RIPK4: variants seen among roughly 807,000 people sequenced by gnomAD.
RIPK4 encodes the protein receptor interacting serine/threonine kinase 4.
A neutral mutation model predicts 42.9 loss-of-function variants in RIPK4; 17 were observed. The observed-to-expected ratio is 0.40, with a 90% CI of 0.27 to 0.59. The LOEUF is 0.59. Ranked by LOEUF, RIPK4 falls within the 20% of genes least tolerant of loss-of-function variation. RIPK4 has a pLI of 0.47. For synonymous variants in RIPK4, 498 were observed against 499.1 expected (o/e 1.00, Z 0.03); for missense variants, 897 against 1,104.4 (o/e 0.81, Z 2.66).
chr21:41,746,223 T>C, intron 5 of RIPK4: 1 of 605,246 alleles, frequency 1.7e-6, no homozygotes, highest in Non-Finnish European at 3.1e-6. Flanking sequence ...GTGACTTTCC[T>C]ATGCCAGAGA....
At chr21:41,756,895 G>T in intron 1 of RIPK4, 79 bp from the exon 2 acceptor site, 1 of 1,477,408 alleles carries the variant, frequency 6.8e-7, no homozygotes, top group South Asian at 1.3e-5. Context: ...GCCAGAAGAC[G>T]ACCAGCTCCA....
chr21:41,767,011 G>C lies in RIPK4; in HGVS notation c.31C>G (p.Leu11Val). 1 of 1,589,734 alleles carries C rather than the reference G, an allele frequency of 6.3e-7. No individual in the cohort carries two copies. The highest frequency in any genetic ancestry group is 8.5e-7 in the Non-Finnish European group (1 of 1,170,512). Reference sequence around the variant, plus strand: ...GCGTCGAAGGTGCGCAGCAGCGCCAGGGCCCATGGGGTCCCGCCGTCGCCC... The same window carrying C: ...GCGTCGAAGGTGCGCAGCAGCGCCACGGCCCATGGGGTCCCGCCGTCGCCC... Reference protein sequence around the residue: MEGDGGTPWALALLRTFDAGE... With the variant: MEGDGGTPWAVALLRTFDAGE... The change falls in exon 1 of 8, where the codon CTG (leucine) becomes GTG (valine). Residue 11 changes from leucine (L) to valine (V), a missense_variant. By Grantham distance (32) the Leu-to-Val change is conservative. Transcript: ENST00000332512. The surrounding 1 kb of genome is among the most constrained non-coding windows in gnomAD (Gnocchi z 4.0).
chr21:41,748,684 CA>C (rs1462662387), intron 4 of RIPK4, among the ~76,000 whole-genome samples: 1 of 152,040 alleles, frequency 6.6e-6, no homozygotes, highest in African/African-American at 2.4e-5. Context: ...AAAAAGTAAA[CA>C]AAAAAGAATT....
At chr21:41,765,775 C>T (rs2061234351) in intron 1 of RIPK4, among the ~76,000 whole-genome samples, 1 of 152,230 alleles carries the variant, frequency 6.6e-6, no homozygotes, top group African/African-American at 2.4e-5. Context: ...ACAAGCATAG[C>T]TTCCATGTAG....
At chr21:41,745,696 G>A in intron 6 of RIPK4, 63 bp downstream of exon 6, 1 of 1,262,708 alleles carries the variant, frequency 7.9e-7, no homozygotes, top group South Asian at 1.2e-5. Context: ...AAAGAGGAGT[G>A]GTTTGGAAAC....
At chr21:41,757,221 G>T (rs2061206272) in intron 1 of RIPK4, among the ~76,000 whole-genome samples, 1 of 152,068 alleles carries the variant, frequency 6.6e-6, no homozygotes, top group Admixed American at 6.5e-5. Context: ...TCCACTCAAG[G>T]TTGTAACTAG....
intron 4 of RIPK4, 52 bp downstream of exon 4, chr21:41,749,102 C>T (rs1267275814): frequency 1.3e-6 from 2 of 1,582,806 alleles, no homozygotes; most frequent in Non-Finnish European, 1.7e-6. Flanking sequence ...GGTGTCCCCC[C>T]ATTATTCCAG....
intron 4 of RIPK4, 72 bp from the exon 5 acceptor site, chr21:41,746,843 G>A (rs758078007): frequency 7.4e-6 from 11 of 1,490,838 alleles, no homozygotes; most frequent in African/African-American, 1.4e-5. Context: ...GGGAGGAAAC[G>A]ACACACTCGC....
chr21:41,743,961 C>A lies in RIPK4; in HGVS notation c.1116G>T (p.Ser372=). Residue 372 remains serine (S), a synonymous_variant, in exon 7 of 8, where the codon TCG becomes TCT. Transcript: ENST00000332512. ...LPSSGSGKRL[S]GVSSVDSAFS... ...AGGCGGAGTCCACCGAGGACACCCC[C>A]GAGAGCCTCTTCCCACTGCCGGACG... 6.2e-7 allele frequency: 1 copy of A among 1,613,416 alleles called. No homozygotes were observed. The highest frequency in any genetic ancestry group is 8.5e-7 in the Non-Finnish European group (1 of 1,179,992).
intron 1 of RIPK4, among the ~76,000 whole-genome samples, chr21:41,758,041 T>TATATATATATAGAGAG (rs1452050960): frequency 3.4e-5 from 2 of 58,486 alleles, no homozygotes; most frequent in Non-Finnish European, 5.6e-5. Flanking sequence ...TATATATATA[T>TATATATATATAGAGAG]AGAGAGAGAG....
chr21:41,741,353 G>T lies in RIPK4; in HGVS notation c.1840C>A (p.Arg614Ser). 3 of 1,610,926 alleles carry T rather than the reference G, an allele frequency of 1.9e-6. No homozygotes were observed. Among genetic ancestry groups the T allele is most frequent in the Non-Finnish European group, 2.5e-6 (3 of 1,179,692 alleles). ...GRTPLHLAAQ[R>S]GHYRVARILI... Reference sequence around the variant, plus strand: ...ATGCGGGCCACGCGGTAGTGCCCGCGCTGTGCGGCCAGGTGCAATGGCGTC... The same window carrying T: ...ATGCGGGCCACGCGGTAGTGCCCGCTCTGTGCGGCCAGGTGCAATGGCGTC... Residue 614 changes from arginine to serine, a missense_variant, in exon 8 of 8, where the codon CGC becomes AGC. Arg to Ser is a moderately radical substitution (Grantham distance 110). Coordinates refer to ENST00000332512, the MANE Select transcript of RIPK4 (RefSeq NM_020639.3).
At chr21:41,749,522 C>T (rs1196160792) in intron 3 of RIPK4, among the ~76,000 whole-genome samples, 2 of 152,220 alleles carry the variant, frequency 1.3e-5, no homozygotes, top group Non-Finnish European at 2.9e-5. Flanking sequence ...GTGTGCCTCA[C>T]TGATATCTTC....
chr21:41,757,998 C>CAAAA lies in RIPK4; in HGVS notation c.183-1186_183-1183dup, dbSNP rs530283443. The stretch of plus-strand genomic sequence containing the variant: ...TGGGCGACACAGAGAGACTCCATAA[C>CAAAA]AAAAAAAAAAAAAAAAAAAAAAAAT... On this transcript the variant is annotated intron_variant, in intron 1 of 7. Coordinates refer to ENST00000332512, the MANE Select transcript of RIPK4 (RefSeq NM_020639.3). Among the ~76,000 whole-genome samples the CAAAA allele has an allele frequency of 2.6e-3, 34 of 13,080 alleles. 3 individuals are homozygous for CAAAA. The highest frequency in any genetic ancestry group is 5.9e-3 in the South Asian group (1 of 170). 8.6% of individuals were successfully genotyped at this position (13,080 alleles called of 152,430 possible). A position where few individuals can be genotyped will look rare whatever the true frequency, so the allele number is the denominator to read the frequency against.
chr21:41,760,942 A>G (rs796403242), intron 1 of RIPK4, among the ~76,000 whole-genome samples: 40 of 152,320 alleles, frequency 2.6e-4, no homozygotes, highest in African/African-American at 9.4e-4. Context: ...ATGGAAAACA[A>G]GATGCCCACC....
At chr21:41,748,033 C>T (rs2061177157) in intron 4 of RIPK4, among the ~76,000 whole-genome samples, 1 of 152,232 alleles carries the variant, frequency 6.6e-6, no homozygotes, top group African/African-American at 2.4e-5. Flanking sequence ...GGTGTCACAT[C>T]TATCAGACAC....
At chr21:41,745,461 C>T (rs902891852) in intron 6 of RIPK4, among the ~76,000 whole-genome samples, 9 of 152,208 alleles carry the variant, frequency 5.9e-5, no homozygotes, top group Non-Finnish European at 4.4e-5. Flanking sequence ...CCTCCCCGGC[C>T]GGGGCTGGGC....
In RIPK4 at chr21:41,751,215, C is replaced by T. The variant is rs759440416; in HGVS notation, c.505G>A (p.Gly169Arg). Residue 169 changes from glycine (G) to arginine (R), a missense_variant, in exon 3 of 8, where the codon GGG (glycine) becomes AGG (arginine). Coordinates refer to ENST00000332512, the MANE Select transcript of RIPK4 (RefSeq NM_020639.3). The surrounding 1 kb of genome is among the most constrained non-coding windows in gnomAD (Gnocchi z 4.5). ...CTGAGGTCATGCGAGTGGGACAGCC[C>T]GTTGCACTTGGCCAGACCAAAATCA... is the stretch of plus-strand genomic sequence containing the variant. ...ISDFGLAKCN[G>R]LSHSHDLSMD... 5.0e-6 allele frequency: 8 copies of T among 1,614,206 alleles called. No individual in the cohort carries two copies. The highest frequency in any genetic ancestry group is 3.3e-5 in the South Asian group (3 of 91,078).
intron 5 of RIPK4, 35 bp from the exon 6 acceptor site, chr21:41,745,897 G>A (rs2061169238): frequency 2.7e-6 from 4 of 1,509,222 alleles, no homozygotes; most frequent in Non-Finnish European, 3.7e-6. Flanking sequence ...TCACTCGGAT[G>A]ATGACTTCTG....
chr21:41,761,719 G>A (rs746890256), intron 1 of RIPK4, among the ~76,000 whole-genome samples: 13 of 152,204 alleles, frequency 8.5e-5, no homozygotes, highest in Non-Finnish European at 1.5e-4. Flanking sequence ...TAATAAACAC[G>A]TATTCTGAGA....
Sources: gnomAD v4.1 joint callset for allele counts (sites outside exome capture counted in the v4.1 genomes callset) on GRCh38, gnomAD v4.1.1 for gene constraint, Gnocchi (gnomAD v3.1) non-coding constraint, MANE v1.5 for transcripts, NCBI Gene and HGNC (gene_info 2026-07-23, HGNC 2026-07-21) for gene names.